Variants in CWF19L2 observed in about 807,000 individuals in gnomAD.
CWF19L2 encodes CWF19-like protein 2.
CWF19L2 carries 98 observed loss-of-function variants against 111.7 expected under a neutral mutation model. That is an observed-to-expected ratio of 0.88 (90% CI 0.75 to 1.04). CWF19L2 has a LOEUF of 1.04. Among genes scored for constraint, CWF19L2 ranks in the 50% least tolerant of loss-of-function variants. The probability of loss-of-function intolerance (pLI) is 0.00; values close to 1 mark genes in which losing one functional copy is unlikely to be tolerated. For missense variants in CWF19L2, 1,101 were observed against 1,051.4 expected, an observed-to-expected ratio of 1.05 and a Z score of -0.65; for synonymous variants, 351 against 342.9, an observed-to-expected ratio of 1.02 and a Z score of -0.26.
chr11:107,432,463 G>C (rs1455180859), intron 7 of CWF19L2, among the ~76,000 whole-genome samples: 3 of 152,046 alleles, frequency 2.0e-5, no homozygotes, highest in Non-Finnish European at 2.9e-5. Flanking sequence ...TGCTCCTGCA[G>C]TCCCAGCTAC....
chr11:107,435,385 A>G (rs971677952), intron 6 of CWF19L2, among the ~76,000 whole-genome samples: 1 of 152,198 alleles, frequency 6.6e-6, no homozygotes, highest in Non-Finnish European at 1.5e-5. Context: ...AAATACCTAT[A>G]TGAATGTCTC....
chr11:107,402,401 C>T (rs1346628912), intron 10 of CWF19L2, among the ~76,000 whole-genome samples: 1 of 150,658 alleles, frequency 6.6e-6, no homozygotes, highest in Non-Finnish European at 1.5e-5. Context: ...AAAAAAAACT[C>T]ATCAAAAAGT....
intron 12 of CWF19L2, among the ~76,000 whole-genome samples, chr11:107,381,483 T>C (rs1189094015): frequency 6.6e-6 from 1 of 152,182 alleles, no homozygotes; most frequent in African/African-American, 2.4e-5. Flanking sequence ...ACGTTATTAT[T>C]TTATGACATA....
intron 14 of CWF19L2, among the ~76,000 whole-genome samples, chr11:107,338,684 C>G (rs1280672487): frequency 6.6e-6 from 1 of 152,164 alleles, no homozygotes; most frequent in Admixed American, 6.5e-5. Context: ...GTTTTCTGTT[C>G]TGGCATTAGC....
chr11:107,335,454 A>AT (rs1261326918), intron 15 of CWF19L2, among the ~76,000 whole-genome samples: 2 of 152,164 alleles, frequency 1.3e-5, no homozygotes, highest in African/African-American at 4.8e-5. Flanking sequence ...AATAAAGCCT[A>AT]TTTTTTAAAA....
At chr11:107,427,668 G>T (rs1482258156) in intron 8 of CWF19L2, among the ~76,000 whole-genome samples, 3 of 152,070 alleles carry the variant, frequency 2.0e-5, no homozygotes, top group African/African-American at 7.2e-5. Context: ...TAGTGACTGG[G>T]AACTGGAAAT....
At chr11:107,362,584 G>C (rs1860371478) in intron 12 of CWF19L2, among the ~76,000 whole-genome samples, 1 of 152,104 alleles carries the variant, frequency 6.6e-6, no homozygotes, top group Admixed American at 6.5e-5. Context: ...ACATGGCTGG[G>C]TACTCCAACA....
chr11:107,391,673 T>A (rs954661748), intron 11 of CWF19L2, among the ~76,000 whole-genome samples: 1 of 152,234 alleles, frequency 6.6e-6, no homozygotes, highest in Non-Finnish European at 1.5e-5. Flanking sequence ...ATCTTTCCAA[T>A]GCTGCTCTCA....
chr11:107,416,371 C>T (rs895758137), intron 9 of CWF19L2, 73 bp from the exon 10 acceptor site: 2 of 625,614 alleles, frequency 3.2e-6, no homozygotes, highest in South Asian at 2.9e-5. Context: ...TTCAAATTTA[C>T]ACAACAGAAG....
chr11:107,382,291 C>T lies in CWF19L2; in HGVS notation c.1872+7783G>A, dbSNP rs75763368. Among the ~76,000 whole-genome samples the T allele has an allele frequency of 2.0e-4, 31 of 152,290 alleles. No homozygotes were observed. The East Asian group carries it at 5.8e-3, about 28-fold the overall frequency. On this transcript the variant is annotated intron_variant, in intron 12 of 17. Transcript: ENST00000282251. ...AATTTAGGCAACAGTCAACAACTAT[C>T]CATTAACATGAGTCATTTGAATGAC...
chr11:107,414,749 T>G (rs1001309817), intron 10 of CWF19L2, among the ~76,000 whole-genome samples: 1 of 152,116 alleles, frequency 6.6e-6, no homozygotes, highest in Non-Finnish European at 1.5e-5. Context: ...CCTCCTCTCT[T>G]TAGCCCATTA....
At chr11:107,375,104 C>A (rs1413842793) in intron 12 of CWF19L2, among the ~76,000 whole-genome samples, 1 of 139,426 alleles carries the variant, frequency 7.2e-6, no homozygotes, top group East Asian at 2.1e-4. Context: ...AATACAGGAG[C>A]ACCCAGATTC....
At chr11:107,443,073 G>T in intron 3 of CWF19L2, 24 bp from the exon 4 acceptor site, 2 of 1,437,352 alleles carry the variant, frequency 1.4e-6, no homozygotes, top group Non-Finnish European at 1.9e-6. Flanking sequence ...GCATATAAGT[G>T]AAATTGTCAA....
At chr11:107,409,232 G>C (rs545588365) in intron 10 of CWF19L2, among the ~76,000 whole-genome samples, 1 of 152,044 alleles carries the variant, frequency 6.6e-6, no homozygotes, top group East Asian at 1.9e-4. Flanking sequence ...AATTGAATAT[G>C]GTCAAACTAC....
intron 3 of CWF19L2, among the ~76,000 whole-genome samples, chr11:107,450,659 G>C (rs1411579888): frequency 1.3e-5 from 2 of 151,754 alleles, no homozygotes; most frequent in African/African-American, 4.8e-5. Context: ...ATATAAAAAA[G>C]GTACATTAAA....
intron 3 of CWF19L2, among the ~76,000 whole-genome samples, chr11:107,451,085 T>C (rs1861771767): frequency 6.6e-6 from 1 of 152,012 alleles, no homozygotes; most frequent in Admixed American, 6.6e-5. Flanking sequence ...CCAAAATAGA[T>C]CATAGGCTAG....
At chr11:107,360,138 T>G (rs1860302718) in intron 12 of CWF19L2, among the ~76,000 whole-genome samples, 1 of 152,204 alleles carries the variant, frequency 6.6e-6, no homozygotes, top group Non-Finnish European at 1.5e-5. Context: ...GAGTCTCTAT[T>G]TTCTATTATT....
intron 10 of CWF19L2, among the ~76,000 whole-genome samples, chr11:107,413,129 G>A (rs924022206): frequency 6.6e-6 from 1 of 152,156 alleles, no homozygotes; most frequent in East Asian, 1.9e-4. Flanking sequence ...TAGACTTTGG[G>A]TGATACAGTG....
chr11:107,411,915 T>C (rs1252711537), intron 10 of CWF19L2, among the ~76,000 whole-genome samples: 1 of 152,176 alleles, frequency 6.6e-6, no homozygotes, highest in Admixed American at 6.5e-5. Flanking sequence ...AATGGCACAA[T>C]GGTCTCTTAG....
Sources: gnomAD v4.1 joint callset for allele counts (sites outside exome capture counted in the v4.1 genomes callset) on GRCh38, gnomAD v4.1.1 for gene constraint, MANE v1.5 for transcripts, NCBI Gene and HGNC (gene_info 2026-07-23, HGNC 2026-07-21) for gene names.